Variants in MYO3B observed in about 807,000 individuals in gnomAD.
The protein encoded by MYO3B is myosin IIIB, also known as myosin-IIIb.
A neutral mutation model predicts 174.6 loss-of-function variants in MYO3B; 156 were observed. That is an observed-to-expected ratio of 0.89 (90% confidence interval 0.78 to 1.02). MYO3B has a LOEUF of 1.02. MYO3B is among the 50% of genes least tolerant of loss of function. MYO3B has a pLI of 0.00. For synonymous variants in MYO3B, 563 were observed against 569.1 expected (o/e 0.99, Z 0.15); for missense variants, 1,632 against 1,639.4 (o/e 1.00, Z 0.08).
intron 22 of MYO3B, among the ~76,000 whole-genome samples, chr2:170,423,736 A>G (rs1349404990): frequency 1.3e-5 from 2 of 151,922 alleles, no homozygotes; most frequent in Non-Finnish European, 2.9e-5. Flanking sequence ...GTGCACCACC[A>G]CACCCAGCTA....
At chr2:170,642,591 G>A (rs1332943587) in intron 32 of MYO3B, among the ~76,000 whole-genome samples, 1 of 152,140 alleles carries the variant, frequency 6.6e-6, no homozygotes, top group Non-Finnish European at 1.5e-5. Context: ...GAAAACTTAT[G>A]AAAATGTCTC....
intron 6 of MYO3B, among the ~76,000 whole-genome samples, chr2:170,227,599 T>C (rs1171589001): frequency 1.3e-5 from 2 of 152,272 alleles, no homozygotes; most frequent in Non-Finnish European, 2.9e-5. Context: ...ATACCTTTTT[T>C]AATTTTAGAG....
chr2:170,491,714 T>C (rs1187073673), intron 25 of MYO3B, among the ~76,000 whole-genome samples: 1 of 152,230 alleles, frequency 6.6e-6, no homozygotes, highest in East Asian at 1.9e-4. Context: ...CATGAGCCAC[T>C]GTGCCTGGCC....
At chr2:170,533,257 C>T (rs958001974) in intron 30 of MYO3B, among the ~76,000 whole-genome samples, 60 of 152,106 alleles carry the variant, frequency 3.9e-4, no homozygotes, top group Admixed American at 2.6e-3. Flanking sequence ...TGAAAATGTC[C>T]GTCCCTCCTC....
Position 170,652,134 on chromosome 2 carries a change from G to C in MYO3B, c.3867G>C (p.Lys1289Asn), listed in dbSNP as rs1251235260. Residue 1289 changes from lysine (K) to asparagine (N), a missense_variant, in exon 34 of 35, where the codon AAG (lysine) becomes AAC (asparagine). Coordinates refer to ENST00000408978, the MANE Select transcript of MYO3B (RefSeq NM_138995.5). ...GAACTCTAGAATATCAAGGGAGCAA[G>C]AGGAAGCCAAGAAAACTTGGGTAAA... ...LNGTLEYQGS[K>N]RKPRKLGQIK... is the part of the protein sequence containing the mutation. 6.2e-7 allele frequency: 1 copy of C among 1,614,122 alleles called. No homozygotes were observed. The highest frequency in any genetic ancestry group is 2.2e-5 in the East Asian group (1 of 44,878).
intron 13 of MYO3B, among the ~76,000 whole-genome samples, chr2:170,386,724 A>C (rs2094378227): frequency 6.6e-6 from 1 of 152,252 alleles, no homozygotes; most frequent in Admixed American, 6.5e-5. Context: ...ACTCTGAATT[A>C]GTGTACTAGG....
chr2:170,611,541 T>C (rs529758501), intron 32 of MYO3B, among the ~76,000 whole-genome samples: 11 of 152,198 alleles, frequency 7.2e-5, no homozygotes, highest in Non-Finnish European at 1.2e-4. Context: ...ATTCTACAGA[T>C]TGGAAATGAA....
chr2:170,270,472 C>T (rs191445384), intron 7 of MYO3B, among the ~76,000 whole-genome samples: 24 of 152,282 alleles, frequency 1.6e-4, no homozygotes, highest in South Asian at 1.2e-3. Flanking sequence ...AGACTCTGGA[C>T]GCAGCTGGCT....
At chr2:170,510,287 G>A (rs73975677) in intron 28 of MYO3B, among the ~76,000 whole-genome samples, 4,036 of 152,182 alleles carry the variant, frequency 0.027, 198 homozygotes, top group African/African-American at 0.092. Flanking sequence ...AGAAAAGGAG[G>A]CCTTATTTTT....
chr2:170,580,440 C>A (rs1211041828), intron 32 of MYO3B, among the ~76,000 whole-genome samples: 6 of 152,184 alleles, frequency 3.9e-5, no homozygotes, highest in African/African-American at 1.4e-4. Flanking sequence ...GAGTTCAAGA[C>A]CAGCCTGGCC....
intron 7 of MYO3B, among the ~76,000 whole-genome samples, chr2:170,329,670 AG>A (rs1199063611): frequency 3.3e-5 from 5 of 151,882 alleles, no homozygotes; most frequent in African/African-American, 1.2e-4. Flanking sequence ...CTGGGATTAC[AG>A]GGGTGAGCCA....
At chr2:170,490,168 A>G (rs1226855088) in intron 25 of MYO3B, among the ~76,000 whole-genome samples, 1 of 151,692 alleles carries the variant, frequency 6.6e-6, no homozygotes, top group Non-Finnish European at 1.5e-5. Context: ...AGCTGGGACT[A>G]CAAGCATCTG....
chr2:170,267,569 C>G (rs1476964234), intron 7 of MYO3B, among the ~76,000 whole-genome samples: 5 of 152,076 alleles, frequency 3.3e-5, no homozygotes, highest in Admixed American at 3.3e-4. Context: ...ATTATTCACC[C>G]AAGATGTGGG....
At chr2:170,271,497 T>C (rs2093424876) in intron 7 of MYO3B, among the ~76,000 whole-genome samples, 1 of 152,124 alleles carries the variant, frequency 6.6e-6, no homozygotes, top group Non-Finnish European at 1.5e-5. Flanking sequence ...TGAAGGGAGG[T>C]GGCCTACCAA....
chr2:170,481,890 A>G (rs1056366949), intron 25 of MYO3B, among the ~76,000 whole-genome samples: 1 of 152,130 alleles, frequency 6.6e-6, no homozygotes, highest in Non-Finnish European at 1.5e-5. Flanking sequence ...TAGGTAGTTT[A>G]TGTATTAGAG....
At chr2:170,651,274 AT>A (rs1698995210) in intron 32 of MYO3B, among the ~76,000 whole-genome samples, 1 of 152,148 alleles carries the variant, frequency 6.6e-6, no homozygotes, top group Admixed American at 6.5e-5. Context: ...ACAATCCCAG[AT>A]TACTTTGGTT....
rs1038594034 is a variant in MYO3B at position 170,283,699 on chromosome 2, A to C, written c.749+47563A>C. The stretch of plus-strand genomic sequence containing the variant: ...CATAATTGTCTCTTCCTAGATTGGA[A>C]GATTCTGGTCAGTTAATTGTGTGGG... On this transcript the variant is annotated intron_variant, in intron 7 of 34. Transcript: ENST00000408978. 4.6e-5 allele frequency among the ~76,000 whole-genome samples: 7 copies of C among 152,152 alleles called. 1 individual carries two copies. Among genetic ancestry groups the C allele is most frequent in the Admixed American group, 3.3e-4 (5 of 15,244 alleles).
intron 32 of MYO3B, among the ~76,000 whole-genome samples, chr2:170,615,194 A>T (rs1695376119): frequency 6.6e-6 from 1 of 152,148 alleles, no homozygotes; most frequent in Admixed American, 6.6e-5. Flanking sequence ...CTCTAGACGT[A>T]TCTTCCTCCC....
chr2:170,440,603 A>G (rs2094792443), intron 22 of MYO3B, among the ~76,000 whole-genome samples: 1 of 151,834 alleles, frequency 6.6e-6, no homozygotes, highest in Non-Finnish European at 1.5e-5. Context: ...ATGCAACTGA[A>G]TTAGCTGGGA....
Sources: gnomAD v4.1 joint callset for allele counts (sites outside exome capture counted in the v4.1 genomes callset) on GRCh38, gnomAD v4.1.1 for gene constraint, MANE v1.5 for transcripts, NCBI Gene and HGNC (gene_info 2026-07-23, HGNC 2026-07-21) for gene names.